RASA2: variants seen among roughly 807,000 people sequenced by gnomAD.
RASA2 encodes the protein ras GTPase-activating protein 2.
A neutral mutation model predicts 118.2 loss-of-function variants in RASA2; 155 were observed. The observed-to-expected ratio is 1.31, with a 90% CI of 1.15 to 1.50. RASA2 has a LOEUF of 1.50. Ranked by LOEUF, RASA2 falls within the 40% of genes most tolerant of loss-of-function variation. The pLI is 0.00. For synonymous variants in RASA2, 353 were observed against 349.1 expected, an observed-to-expected ratio of 1.01 and a Z score of -0.12; for missense variants, 1,016 against 1,009.6, an observed-to-expected ratio of 1.01 and a Z score of -0.09.
chr3:141,570,601 G>A (rs1023075896), intron 9 of RASA2, among the ~76,000 whole-genome samples: 20 of 152,108 alleles, frequency 1.3e-4, no homozygotes, highest in African/African-American at 4.6e-4. Context: ...GATTTTAAAT[G>A]TTTACCTTTT....
chr3:141,570,295 C>T (rs1248236289), intron 9 of RASA2, among the ~76,000 whole-genome samples: 2 of 151,914 alleles, frequency 1.3e-5, no homozygotes, highest in African/African-American at 2.4e-5. Context: ...GATCTCAGCT[C>T]ACTGCAACTC....
intron 19 of RASA2, among the ~76,000 whole-genome samples, chr3:141,591,798 A>G (rs114885358): frequency 0.022 from 3,368 of 152,272 alleles, 48 homozygotes; most frequent in Middle Eastern, 0.044. Flanking sequence ...AGAAATGTCC[A>G]TGATATTTTA....
intron 19 of RASA2, among the ~76,000 whole-genome samples, chr3:141,588,935 G>A (rs543861911): frequency 9.2e-5 from 14 of 151,652 alleles, no homozygotes; most frequent in South Asian, 8.3e-4. Context: ...TCTGCCTCCC[G>A]GATTCAAGCG....
At chr3:141,551,452 C>T (rs986090811) in intron 5 of RASA2, among the ~76,000 whole-genome samples, 4 of 152,174 alleles carry the variant, frequency 2.6e-5, no homozygotes, top group Admixed American at 6.5e-5. Flanking sequence ...CATATATACA[C>T]GTATCAATAC....
intron 19 of RASA2, chr3:141,600,540 G>A: frequency 3.6e-6 from 1 of 276,370 alleles, no homozygotes; most frequent in Admixed American, 4.6e-5. Context: ...CTGCCTGCTT[G>A]GCCAGCTTGG....
intron 6 of RASA2, among the ~76,000 whole-genome samples, chr3:141,555,637 C>T (rs1219408913): frequency 6.6e-6 from 1 of 151,414 alleles, no homozygotes; most frequent in Non-Finnish European, 1.5e-5. Flanking sequence ...AATCTTGGCA[C>T]ATAGGGGATG....
chr3:141,574,330 C>T (rs1026640065), intron 14 of RASA2, among the ~76,000 whole-genome samples: 2 of 151,962 alleles, frequency 1.3e-5, no homozygotes, highest in Admixed American at 6.6e-5. Flanking sequence ...GCTGGGACTA[C>T]AGGCGCCCGC....
intron 1 of RASA2, among the ~76,000 whole-genome samples, chr3:141,510,281 C>G (rs1416065527): frequency 1.3e-5 from 2 of 152,142 alleles, no homozygotes; most frequent in Non-Finnish European, 2.9e-5. Flanking sequence ...TGCTGTTTCC[C>G]TTATGCCAAC....
chr3:141,544,928 G>A (rs1233558714), intron 5 of RASA2, among the ~76,000 whole-genome samples: 2 of 152,182 alleles, frequency 1.3e-5, no homozygotes, highest in Non-Finnish European at 2.9e-5. Flanking sequence ...CTTATAGTGG[G>A]AGCTAAATGA....
chr3:141,593,783 A>G (rs1191438188), intron 19 of RASA2, among the ~76,000 whole-genome samples: 1 of 152,246 alleles, frequency 6.6e-6, no homozygotes, highest in Non-Finnish European at 1.5e-5. Context: ...TAAACAAAGT[A>G]TAGTATAAAC....
At chr3:141,496,752 T>C (rs2081708240) in intron 1 of RASA2, among the ~76,000 whole-genome samples, 1 of 152,196 alleles carries the variant, frequency 6.6e-6, no homozygotes, top group East Asian at 1.9e-4. Context: ...TGGAAGTCAG[T>C]GTGGCGATTC....
rs751326898 is a variant in RASA2 at position 141,573,176 on chromosome 3, C to T, written c.1314C>T (p.Ile438=). The T allele has an allele frequency of 3.6e-5, 55 of 1,538,546 alleles. 1 individual carries two copies. The South Asian group carries it at 5.0e-4, about 14-fold the overall frequency. The change falls in exon 13 of 24, where the codon ATC becomes ATT. Residue 438 remains isoleucine (I), a synonymous_variant. Transcript: ENST00000286364. ...GTGACTCCTCAAAATCCTGTGAAAT[C>T]GATCCTATTAAATTGAAAGAGGGAG... ...EICDSSKSCE[I]DPIKLKEGDN...
chr3:141,568,156 C>G (rs1391199390), intron 9 of RASA2, among the ~76,000 whole-genome samples: 2 of 152,124 alleles, frequency 1.3e-5, no homozygotes, highest in Non-Finnish European at 2.9e-5. Context: ...AAATACCTCT[C>G]TTAAAGAACT....
Position 141,608,628 on chromosome 3 carries a change from A to G in RASA2, c.2156A>G (p.Tyr719Cys). The stretch of plus-strand genomic sequence containing the variant: ...CTCAGTTTTTATCATCCCTCTGTGT[A>G]TCTGAACGGAAATTGGCTCTGCTGT... ...NRLSFYHPSV[Y>C]LNGNWLCCQE... The change falls in exon 21 of 24, where the codon TAT (tyrosine) becomes TGT (cysteine). Residue 719 changes from tyrosine (Y) to cysteine (C), a missense_variant. By Grantham distance (194) the Tyr-to-Cys change is radical. Around this residue, in one of 2 missense-constraint regions of RASA2, gnomAD observed 120 missense variants for 173.2 expected, o/e 0.69. Coordinates refer to ENST00000286364, the MANE Select transcript of RASA2 (RefSeq NM_006506.5). 6.2e-7 allele frequency: 1 copy of G among 1,614,032 alleles called. No individual in the cohort carries two copies. The highest frequency in any genetic ancestry group is 8.5e-7 in the Non-Finnish European group (1 of 1,179,938).
chr3:141,504,855 C>G (rs1275637754), intron 1 of RASA2, among the ~76,000 whole-genome samples: 4 of 152,142 alleles, frequency 2.6e-5, no homozygotes, highest in Non-Finnish European at 4.4e-5. Flanking sequence ...TTGCTTATTG[C>G]TTTGTAGCCA....
intron 4 of RASA2, among the ~76,000 whole-genome samples, chr3:141,530,297 T>C (rs1390057437): frequency 6.6e-6 from 1 of 152,158 alleles, no homozygotes; most frequent in Non-Finnish European, 1.5e-5. Flanking sequence ...CCTCGCTTTT[T>C]ATTTGAAAGA....
chr3:141,607,956 C>T (rs932881665), intron 20 of RASA2, among the ~76,000 whole-genome samples, 196 bp downstream of exon 20: 13 of 152,134 alleles, frequency 8.5e-5, no homozygotes, highest in African/African-American at 3.1e-4. Context: ...AGCTGAAACT[C>T]TGTCTTAAAA....
At position 141,516,860 on chromosome 3, in the gene RASA2, A is replaced by G. The variant is rs181985553; in HGVS notation, c.355+429A>G. Among the ~76,000 whole-genome samples, 289 of 151,164 alleles carry G rather than the reference A, an allele frequency of 1.9e-3. 1 individual carries two copies. Among genetic ancestry groups the G allele is most frequent in the African/African-American group, 6.8e-3 (278 of 41,086 alleles). ...GCGATCTTGGCTCACTGCAACCTCT[A>G]CTTCCCAGGTTAAGCGATTTCTCCT... On this transcript the variant is annotated intron_variant, in intron 3 of 23. Transcript: ENST00000286364.
intron 23 of RASA2, 58 bp downstream of exon 23, chr3:141,610,124 T>C (rs1577836955): frequency 7.1e-7 from 1 of 1,410,964 alleles, no homozygotes; most frequent in Non-Finnish European, 9.6e-7. Context: ...AGATTGCCTC[T>C]CCTGCCCCAA....
Sources: allele counts gnomAD v4.1 joint callset (sites outside exome capture counted in the v4.1 genomes callset), GRCh38; gene constraint gnomAD v4.1.1; regional missense constraint gnomAD v4.1.1; transcripts MANE v1.5; gene names NCBI Gene and HGNC (gene_info 2026-07-23, HGNC 2026-07-21).